EDEM2: variants seen among roughly 807,000 people sequenced by gnomAD.
EDEM2 encodes the protein ER degradation-enhancing alpha-mannosidase-like protein 2.
Under a neutral mutation model 64.8 loss-of-function variants are expected in EDEM2, and 39 were observed. The observed-to-expected ratio is 0.60, with a 90% CI of 0.47 to 0.79. The LOEUF is 0.79. Among genes scored for constraint, EDEM2 ranks in the 30% least tolerant of loss-of-function variants. The probability of loss-of-function intolerance (pLI) is 0.00; values close to 1 mark genes in which losing one functional copy is unlikely to be tolerated. For synonymous variants in EDEM2, 296 were observed against 291.5 expected (o/e 1.02, Z -0.16); for missense variants, 609 against 731.3 (o/e 0.83, Z 1.93).
At chr20:35,129,744 T>C (rs374221654) in intron 7 of EDEM2, among the ~76,000 whole-genome samples, 71 of 152,304 alleles carry the variant, frequency 4.7e-4, no homozygotes, top group African/African-American at 1.6e-3. Flanking sequence ...TGAACTTCAT[T>C]CATGTGCCCT....
At position 35,145,024 on chromosome 20, in the gene EDEM2, A is replaced by G; in HGVS notation, c.219-6T>C. On this transcript the variant is annotated splice_region_variant and splice_polypyrimidine_tract_variant and intron_variant, in intron 2 of 10. Coordinates refer to ENST00000374492, the MANE Select transcript of EDEM2 (RefSeq NM_018217.3). ...CAATTAGAGTCAGAGAAAAACTGCA[A>G]AAGGACAGAAATCCCAGCCGCTTAG... The G allele has an allele frequency of 6.2e-7, 1 of 1,614,008 alleles. No homozygotes were observed. The highest frequency in any genetic ancestry group is 8.5e-7 in the Non-Finnish European group (1 of 1,179,920).
At chr20:35,122,570 C>A (rs1319330910) in intron 9 of EDEM2, among the ~76,000 whole-genome samples, 1 of 152,020 alleles carries the variant, frequency 6.6e-6, no homozygotes, top group Non-Finnish European at 1.5e-5. Context: ...GATGGGGTTT[C>A]ACCATGTTGG....
chr20:35,123,384 G>C (rs1001782382), intron 9 of EDEM2, among the ~76,000 whole-genome samples: 2 of 152,102 alleles, frequency 1.3e-5, no homozygotes, highest in African/African-American at 4.8e-5. Flanking sequence ...CCTGAGGCTG[G>C]GAGTTCAAGA....
chr20:35,131,712 G>A lies in EDEM2; in HGVS notation c.774C>T (p.Asp258=), dbSNP rs1246591533. Residue 258 remains aspartate (D), a synonymous_variant, in exon 7 of 11, where the codon GAC becomes GAT. Coordinates refer to ENST00000374492, the MANE Select transcript of EDEM2 (RefSeq NM_018217.3). ...AQDAGIGAGV[D]SYFEYLVKGA... ...CTTTCACCAAGTACTCAAAGTAGGA[G>A]TCCACGCCAGCCCCGATGCCTGCGT... 2 of 1,614,092 alleles carry A rather than the reference G, an allele frequency of 1.2e-6. No homozygotes were observed. The highest frequency in any genetic ancestry group is 2.7e-5 in the African/African-American group (2 of 74,922).
intron 8 of EDEM2, among the ~76,000 whole-genome samples, chr20:35,124,312 T>C (rs1342761326): frequency 2.0e-5 from 3 of 152,320 alleles, no homozygotes; most frequent in Middle Eastern, 6.8e-3. Flanking sequence ...CTAACAGTTT[T>C]GGAATTCGGC....
At chr20:35,123,358 C>G (rs774920313) in intron 9 of EDEM2, among the ~76,000 whole-genome samples, 6 of 152,090 alleles carry the variant, frequency 3.9e-5, no homozygotes, top group Non-Finnish European at 7.4e-5. Context: ...TTTGGGAGGC[C>G]AAGGTGGGCG....
intron 7 of EDEM2, 97 bp downstream of exon 7, chr20:35,131,545 G>C: frequency 6.8e-7 from 1 of 1,465,464 alleles, no homozygotes; most frequent in Non-Finnish European, 9.3e-7. Context: ...CAGCCTGGGA[G>C]ATGGAGCAAG....
rs2085750394 is a variant in EDEM2, at chr20:35,147,314, A to C, written c.-56T>G. The C allele has an allele frequency of 1.4e-6, 2 of 1,418,404 alleles. No individual in the cohort carries two copies. Among genetic ancestry groups the C allele is most frequent in the Non-Finnish European group, 9.3e-7 (1 of 1,080,860 alleles). The allele number at this position is 1,418,404 out of a possible 1,614,324, so 87.9% of individuals were successfully genotyped here. A position where few individuals can be genotyped will look rare whatever the true frequency, so the allele number is the denominator to read the frequency against. On this transcript the variant is annotated 5_prime_UTR_variant, in exon 1 of 11. It removes an upstream start codon present in the reference 5' UTR. Coordinates refer to ENST00000374492, the MANE Select transcript of EDEM2 (RefSeq NM_018217.3). ...CAGCAGCAGCCACTGCAACCAGTTC[A>C]TCCTGGGAGCTGCTGCGGGTTCTTC...
Position 35,133,524 on chromosome 20 carries a change from T to C in EDEM2, c.702+1214A>G, listed in dbSNP as rs180950280. Among the ~76,000 whole-genome samples, 74 of 151,604 alleles carry C rather than the reference T, an allele frequency of 4.9e-4. 2 individuals are homozygous for C. The East Asian group carries it at 0.014, about 28-fold the overall frequency. Reference sequence around the variant, plus strand: ...TCTTGTTGCCCAGGCTGGAATGCAATGGCGCGATCTCGGCTCATCCCAACC... The same window carrying C: ...TCTTGTTGCCCAGGCTGGAATGCAACGGCGCGATCTCGGCTCATCCCAACC... On this transcript the variant is annotated intron_variant, in intron 6 of 10. Coordinates refer to ENST00000374492, the MANE Select transcript of EDEM2 (RefSeq NM_018217.3).
In EDEM2 at chr20:35,126,278, G is replaced by A. The variant is rs1241789508; in HGVS notation, c.942C>T (p.Ser314=). ...KGTVSMPVFQ[S]LEAYWPGLQS... The stretch of plus-strand genomic sequence containing the variant: ...GAAGACCAGGCCAGTAGGCCTCCAA[G>A]GACTGGAAGACTGGCATGGACACAG... The change falls in exon 8 of 11, where the codon TCC becomes TCT. Residue 314 remains serine (S), a synonymous_variant. Coordinates refer to ENST00000374492, the MANE Select transcript of EDEM2 (RefSeq NM_018217.3). 1 of 1,613,984 alleles carries A rather than the reference G, an allele frequency of 6.2e-7. No homozygotes were observed. Among genetic ancestry groups the A allele is most frequent in the Non-Finnish European group, 8.5e-7 (1 of 1,180,016 alleles).
chr20:35,129,961 A>C (rs1025662927), intron 7 of EDEM2, among the ~76,000 whole-genome samples: 1 of 152,196 alleles, frequency 6.6e-6, no homozygotes, highest in Non-Finnish European at 1.5e-5. Flanking sequence ...ACAATGATGA[A>C]ATCACCTAAC....
chr20:35,120,009 A>T (rs1455690992), intron 9 of EDEM2, among the ~76,000 whole-genome samples: 1 of 152,034 alleles, frequency 6.6e-6, no homozygotes, highest in Non-Finnish European at 1.5e-5. Flanking sequence ...CCTGGGCTTG[A>T]TCAGTGCTTC....
At chr20:35,145,610 T>C (rs777838513) in intron 2 of EDEM2, among the ~76,000 whole-genome samples, 1 of 152,156 alleles carries the variant, frequency 6.6e-6, no homozygotes, top group Non-Finnish European at 1.5e-5. Context: ...CAGACAGCAA[T>C]TGTTAGGGTC....
Position 35,144,964 on chromosome 20 carries a change from AGAC to A in EDEM2, c.258+12_258+14del, listed in dbSNP as rs1569183927. 6.2e-7 allele frequency: 1 copy of A among 1,613,840 alleles called. No homozygotes were observed. The highest frequency in any genetic ancestry group is 8.5e-7 in the Non-Finnish European group (1 of 1,179,796). ...TGTAACAGTGGAAAGGAAAAGAAACAGACGAGATACTTACCAGCAAGGTGTCCA... is the reference window on the plus strand; with the variant it reads ...TGTAACAGTGGAAAGGAAAAGAAACAGAGATACTTACCAGCAAGGTGTCCA... On this transcript the variant is annotated intron_variant, in intron 3 of 10. Coordinates refer to ENST00000374492, the MANE Select transcript of EDEM2 (RefSeq NM_018217.3).
intron 9 of EDEM2, 151 bp downstream of exon 9, chr20:35,123,739 C>G (rs1237509119): frequency 1.0e-6 from 1 of 965,014 alleles, no homozygotes; most frequent in South Asian, 2.2e-5. Flanking sequence ...TAATTAACTC[C>G]TAGTAAGAAA....
intron 7 of EDEM2, among the ~76,000 whole-genome samples, chr20:35,130,861 A>G (rs1326488005): frequency 6.6e-6 from 1 of 152,196 alleles, no homozygotes; most frequent in East Asian, 1.9e-4. Context: ...GTATTAATCT[A>G]TTACCTACCA....
At chr20:35,135,924 C>T (rs1396847710) in intron 5 of EDEM2, among the ~76,000 whole-genome samples, 1 of 152,154 alleles carries the variant, frequency 6.6e-6, no homozygotes, top group Non-Finnish European at 1.5e-5. Context: ...CAGTTCTCTG[C>T]CCGCCCCACC....
At position 35,123,978 on chromosome 20, in the gene EDEM2, T is replaced by G; in HGVS notation, c.1026A>C (p.Val342=). The change falls in exon 9 of 11, where the codon GTA becomes GTC. Residue 342 remains valine, a synonymous_variant. Coordinates refer to ENST00000374492, the MANE Select transcript of EDEM2 (RefSeq NM_018217.3). The part of the protein sequence containing the change: ...AMRTFLNYYT[V]WKQFGGLPEF... ...CCGGGAGCCCCCCAAACTGCTTCCA[T>G]ACAGTGTAGTAGTTGAGGAAGGTCC... is the stretch of plus-strand genomic sequence containing the variant. 1 of 1,614,190 alleles carries G rather than the reference T, an allele frequency of 6.2e-7. No homozygotes were observed. Among genetic ancestry groups the G allele is most frequent in the East Asian group, 2.2e-5 (1 of 44,882 alleles).
chr20:35,131,778 G>C lies in EDEM2; in HGVS notation c.708C>G (p.Gly236=). 6.2e-7 allele frequency: 1 copy of C among 1,613,560 alleles called. No homozygotes were observed. Among genetic ancestry groups the C allele is most frequent in the Non-Finnish European group, 8.5e-7 (1 of 1,179,704 alleles). ...TGCCAGTGAGCACATCAATGTGGTT[G>C]CCGACCTGAGAGAGAGAAAGACACA... is the stretch of plus-strand genomic sequence containing the variant. ...WESRSDIGLV[G]NHIDVLTGKW... Residue 236 remains glycine (G), a synonymous_variant, in exon 7 of 11, where the codon GGC becomes GGG. Transcript: ENST00000374492.
Sources: allele counts gnomAD v4.1 joint callset (sites outside exome capture counted in the v4.1 genomes callset), GRCh38; gene constraint gnomAD v4.1.1; transcripts MANE v1.5; gene names NCBI Gene and HGNC (gene_info 2026-07-23, HGNC 2026-07-21).